SEMA5A: variants seen among roughly 807,000 people sequenced by gnomAD.
SEMA5A encodes semaphorin-5A.
A neutral mutation model predicts 135.5 loss-of-function variants in SEMA5A; 55 were observed. The observed-to-expected ratio is 0.41, with a 90% CI of 0.33 to 0.51. SEMA5A has a LOEUF of 0.51. Ranked by LOEUF, SEMA5A falls within the 20% of genes least tolerant of loss-of-function variation. SEMA5A has a pLI of 0.37. For missense variants in SEMA5A, 1,290 were observed against 1,419.9 expected (o/e 0.91, Z 1.47); for synonymous variants, 580 against 546.5 (o/e 1.06, Z -0.85).
chr5:9,469,492 T>C (rs893967189), intron 1 of SEMA5A, among the ~76,000 whole-genome samples: 2 of 152,160 alleles, frequency 1.3e-5, no homozygotes, highest in Non-Finnish European at 2.9e-5. Flanking sequence ...AAACAACTCA[T>C]GTACAAGATT....
intron 5 of SEMA5A, among the ~76,000 whole-genome samples, chr5:9,242,131 C>T (rs1041841259): frequency 2.0e-5 from 3 of 152,152 alleles, no homozygotes; most frequent in African/African-American, 7.2e-5. Context: ...ATAAACAAAT[C>T]GTCAGGGTAT....
intron 1 of SEMA5A, among the ~76,000 whole-genome samples, chr5:9,492,715 A>C (rs1717056617): frequency 6.6e-6 from 1 of 152,218 alleles, no homozygotes; most frequent in African/African-American, 2.4e-5. Flanking sequence ...AGCAATGAAA[A>C]GAAATAGAGG....
rs902866384 is a variant in SEMA5A at position 9,413,727 on chromosome 5, T to C, written c.-78+24029A>G. On this transcript the variant is annotated intron_variant, in intron 2 of 22. Transcript: ENST00000382496. ...ACAGTTACAGGATAGGGAAGACAAG[T>C]GGTAGCAGATATTATGTGACAATGT... Among the ~76,000 whole-genome samples, 5 of 152,310 alleles carry C rather than the reference T, an allele frequency of 3.3e-5. No homozygotes were observed. In the East Asian group the frequency reaches 9.6e-4, roughly 29 times the overall value.
At chr5:9,081,771 T>C (rs963863361) in intron 16 of SEMA5A, among the ~76,000 whole-genome samples, 2 of 152,188 alleles carry the variant, frequency 1.3e-5, no homozygotes, top group African/African-American at 4.8e-5. Flanking sequence ...TGTTGACAAT[T>C]TGTACTTCAA....
chr5:9,098,125 T>C lies in SEMA5A; in HGVS notation c.2073+10015A>G, dbSNP rs900358791. 1.3e-5 allele frequency among the ~76,000 whole-genome samples: 2 copies of C among 151,860 alleles called. 1 individual carries two copies. The highest frequency in any genetic ancestry group is 2.9e-5 in the Non-Finnish European group (2 of 67,976). ...TGACTGTGGTATCAAGTGCCTGTAATCCAGTTACTCGGGAGGCTGAGGCAG... is the reference window on the plus strand; with the variant it reads ...TGACTGTGGTATCAAGTGCCTGTAACCCAGTTACTCGGGAGGCTGAGGCAG... On this transcript the variant is annotated intron_variant, in intron 16 of 22. Coordinates refer to ENST00000382496, the MANE Select transcript of SEMA5A (RefSeq NM_003966.3).
chr5:9,394,673 G>A (rs1393311271), intron 2 of SEMA5A, among the ~76,000 whole-genome samples: 1 of 152,184 alleles, frequency 6.6e-6, no homozygotes, highest in Non-Finnish European at 1.5e-5. Flanking sequence ...CAACGAAGTG[G>A]AAATAAAGAG....
chr5:9,097,945 T>C (rs1579387678), intron 16 of SEMA5A, among the ~76,000 whole-genome samples: 1 of 152,120 alleles, frequency 6.6e-6, no homozygotes, highest in Admixed American at 6.5e-5. Flanking sequence ...TAGCCAAATC[T>C]CTTTTTAAAA....
At chr5:9,164,700 T>C (rs1743510127) in intron 11 of SEMA5A, among the ~76,000 whole-genome samples, 1 of 152,204 alleles carries the variant, frequency 6.6e-6, no homozygotes, top group African/African-American at 2.4e-5. Context: ...TTTATGCTAC[T>C]GCCTCTGGTG....
At chr5:9,136,456 G>A (rs1741753661) in intron 13 of SEMA5A, 48 bp downstream of exon 13, 1 of 1,453,700 alleles carries the variant, frequency 6.9e-7, no homozygotes, top group Middle Eastern at 1.8e-4. Flanking sequence ...AGGGGAGCAT[G>A]GCTCCCATGG....
At chr5:9,450,579 G>C (rs1357093300) in intron 1 of SEMA5A, among the ~76,000 whole-genome samples, 1 of 152,062 alleles carries the variant, frequency 6.6e-6, no homozygotes, top group Non-Finnish European at 1.5e-5. Flanking sequence ...GCTGCTGCCT[G>C]TCACACCTAC....
At chr5:9,444,356 C>A (rs1159693252) in intron 1 of SEMA5A, among the ~76,000 whole-genome samples, 2 of 152,064 alleles carry the variant, frequency 1.3e-5, no homozygotes, top group Non-Finnish European at 2.9e-5. Context: ...ACCCTTTCCC[C>A]TGAGTCCCCA....
intron 2 of SEMA5A, among the ~76,000 whole-genome samples, chr5:9,423,397 T>A (rs1199178338): frequency 1.3e-5 from 2 of 152,228 alleles, no homozygotes; most frequent in African/African-American, 4.8e-5. Flanking sequence ...AAGTTCTTGA[T>A]CATTGTGCAG....
chr5:9,257,447 C>CT (rs34992396), intron 5 of SEMA5A, among the ~76,000 whole-genome samples: 57,723 of 149,966 alleles, frequency 0.38, 11,278 homozygotes, highest in East Asian at 0.48. Context: ...CCACATAGAT[C>CT]TTTTTTTTTT....
intron 11 of SEMA5A, among the ~76,000 whole-genome samples, chr5:9,171,213 G>C (rs2150307797): frequency 6.6e-6 from 1 of 152,256 alleles, no homozygotes; most frequent in Admixed American, 6.5e-5. Context: ...GGAAGGGGTT[G>C]AGTTGGTGTT....
intron 1 of SEMA5A, among the ~76,000 whole-genome samples, chr5:9,453,696 C>G (rs990299205): frequency 6.6e-6 from 1 of 152,172 alleles, no homozygotes; most frequent in Non-Finnish European, 1.5e-5. Flanking sequence ...TCGCAGGAAC[C>G]AAACCCTATA....
intron 3 of SEMA5A, among the ~76,000 whole-genome samples, chr5:9,371,687 C>A (rs574443847): frequency 1.3e-5 from 2 of 152,144 alleles, no homozygotes; most frequent in Non-Finnish European, 2.9e-5. Flanking sequence ...CATTACATCA[C>A]ATAAAACATC....
At chr5:9,267,937 A>G (rs913821401) in intron 5 of SEMA5A, among the ~76,000 whole-genome samples, 2 of 152,172 alleles carry the variant, frequency 1.3e-5, no homozygotes, top group African/African-American at 4.8e-5. Context: ...AAAGTGTAGC[A>G]TGCAAAAACA....
chr5:9,513,068 A>AAAATAT (rs1554044105), intron 1 of SEMA5A, among the ~76,000 whole-genome samples: 3 of 143,718 alleles, frequency 2.1e-5, no homozygotes, highest in Admixed American at 7.0e-5. Context: ...ATATATATAT[A>AAAATAT]ATATATATAT....
At chr5:9,140,859 T>C (rs930131207) in intron 12 of SEMA5A, among the ~76,000 whole-genome samples, 2 of 152,086 alleles carry the variant, frequency 1.3e-5, no homozygotes, top group African/African-American at 4.8e-5. Flanking sequence ...AGGGAAAAAT[T>C]CCACGGGCTC....
Sources: gnomAD v4.1 joint callset for allele counts (sites outside exome capture counted in the v4.1 genomes callset) on GRCh38, gnomAD v4.1.1 for gene constraint, MANE v1.5 for transcripts, NCBI Gene and HGNC (gene_info 2026-07-23, HGNC 2026-07-21) for gene names.